The following CYP4F2 variants were observed in gnomAD, a reference collection of about 807,000 sequenced individuals.
CYP4F2 encodes the protein cytochrome P450 family 4 subfamily F member 2.
A neutral mutation model predicts 58.9 loss-of-function variants in CYP4F2; 58 were observed. The ratio of observed to expected loss-of-function variants is 0.98; its 90% CI spans 0.80 to 1.23. CYP4F2 has a LOEUF of 1.23. Ranked by LOEUF, CYP4F2 falls within the 50% of genes most tolerant of loss-of-function variation. CYP4F2 has a pLI of 0.00. For missense variants in CYP4F2, 616 were observed against 685.6 expected (o/e 0.90, Z 1.13); for synonymous variants, 287 against 261.1 (o/e 1.10, Z -0.95).
intron 7 of CYP4F2, among the ~76,000 whole-genome samples, chr19:15,887,062 T>C (rs1301976990): frequency 1.3e-5 from 2 of 151,700 alleles, no homozygotes; most frequent in Non-Finnish European, 2.9e-5. Flanking sequence ...AATGCATCTG[T>C]CACAATAGAC....
chr19:15,889,291 A>G, intron 7 of CYP4F2, 132 bp downstream of exon 7: 3 of 1,539,770 alleles, frequency 1.9e-6, no homozygotes, highest in Non-Finnish European at 2.6e-6. Context: ...CCTATCTCTG[A>G]CCTGTCCCTC....
chr19:15,879,808 A>C lies in CYP4F2; in HGVS notation c.1205T>G (p.Val402Gly), dbSNP rs771131232. The C allele has an allele frequency of 6.2e-7, 1 of 1,614,144 alleles. No individual in the cohort carries two copies. The highest frequency in any genetic ancestry group is 1.3e-5 in the African/African-American group (1 of 75,040). The change falls in exon 10 of 13, where the codon GTC becomes GGC. Residue 402 changes from valine to glycine, a missense_variant. Physicochemically the swap from Val to Gly is moderately radical, Grantham distance 109. Coordinates refer to ENST00000221700, the MANE Select transcript of CYP4F2 (RefSeq NM_001082.5). ...GTCTGGGAGCACAATGTCCTGGGTG[A>C]CATGGCGGGAGATGACCGGGACTGG... ...HPPVPVISRH[V>G]TQDIVLPDGR...
At chr19:15,888,285 C>T (rs111212005) in intron 7 of CYP4F2, among the ~76,000 whole-genome samples, 3,343 of 152,174 alleles carry the variant, frequency 0.022, 119 homozygotes, top group African/African-American at 0.074. Context: ...CACAGACGCA[C>T]ACACATAGAT....
chr19:15,881,819 GA>G (rs1457430213), intron 9 of CYP4F2, among the ~76,000 whole-genome samples: 4 of 150,794 alleles, frequency 2.7e-5, no homozygotes, highest in African/African-American at 7.3e-5. Flanking sequence ...AAAAAAGAAA[GA>G]AAACTTATTT....
chr19:15,892,043 G>T (rs1051219049), intron 5 of CYP4F2, among the ~76,000 whole-genome samples: 3 of 152,164 alleles, frequency 2.0e-5, no homozygotes, highest in African/African-American at 7.2e-5. Flanking sequence ...TGACCCTCTT[G>T]TGTTTACAGG....
chr19:15,884,939 A>G (rs968614779), intron 9 of CYP4F2, among the ~76,000 whole-genome samples: 1 of 152,050 alleles, frequency 6.6e-6, no homozygotes, highest in African/African-American at 2.4e-5. Flanking sequence ...ATGGCTCCCT[A>G]TTGCCATTGG....
At chr19:15,886,175 C>T in intron 8 of CYP4F2, 67 bp downstream of exon 8, 6 of 1,611,112 alleles carry the variant, frequency 3.7e-6, no homozygotes, top group Non-Finnish European at 5.1e-6. Flanking sequence ...TTGTGGGGGT[C>T]TACCCACCCT....
At chr19:15,889,335 C>T (rs987924278) in intron 7 of CYP4F2, 88 bp downstream of exon 7, 3 of 1,606,408 alleles carry the variant, frequency 1.9e-6, no homozygotes, top group African/African-American at 1.3e-5. Flanking sequence ...CTCCCTAGTG[C>T]CCTCTTAATC....
At chr19:15,886,524 T>G (rs1407974194) in intron 7 of CYP4F2, 2 of 572,830 alleles carry the variant, frequency 3.5e-6, no homozygotes, top group Non-Finnish European at 3.0e-6. Flanking sequence ...CCTCTTGGGT[T>G]CCTACTGGGA....
At chr19:15,892,960 A>G (rs369132535) in intron 3 of CYP4F2, among the ~76,000 whole-genome samples, 3 of 152,188 alleles carry the variant, frequency 2.0e-5, no homozygotes, top group African/African-American at 7.2e-5. Flanking sequence ...ATCTTCTGAT[A>G]TGGCATCTTC....
At chr19:15,881,423 T>C (rs771900509) in intron 9 of CYP4F2, among the ~76,000 whole-genome samples, 3 of 152,078 alleles carry the variant, frequency 2.0e-5, no homozygotes, top group Non-Finnish European at 4.4e-5. Context: ...CAGAGATAGA[T>C]GATAGATTGA....
Position 15,886,275 on chromosome 19 carries a change from T to C in CYP4F2, c.952A>G (p.Ile318Val), listed in dbSNP as rs1449202576. 2.5e-6 allele frequency: 4 copies of C among 1,614,082 alleles called. No individual in the cohort carries two copies. In the East Asian group the frequency reaches 8.9e-5, roughly 36 times the overall value. ...EDGKKLSDED[I>V]RAEADTFMFE... ...ATAAAGGTGTCAGCTTCTGCTCTTA[T>C]GTCCTCATCAGATAACTTCTTCCCG... is the stretch of plus-strand genomic sequence containing the variant. Residue 318 changes from isoleucine to valine, a missense_variant, in exon 8 of 13, where the codon ATA becomes GTA. Coordinates refer to ENST00000221700, the MANE Select transcript of CYP4F2 (RefSeq NM_001082.5).
At chr19:15,895,802 A>G (rs995371153) in intron 2 of CYP4F2, 152 bp from the exon 3 acceptor site, 16 of 916,156 alleles carry the variant, frequency 1.7e-5, no homozygotes, top group Middle Eastern at 3.3e-4. Flanking sequence ...CTATCTATAT[A>G]TCTATCTGCC....
intron 7 of CYP4F2, among the ~76,000 whole-genome samples, chr19:15,887,985 C>G (rs934878355): frequency 1.3e-5 from 2 of 150,764 alleles, no homozygotes; most frequent in African/African-American, 2.4e-5. Context: ...CTTAGAAACA[C>G]AGACACACAA....
chr19:15,896,952 A>C (rs924043459), intron 2 of CYP4F2, among the ~76,000 whole-genome samples: 16 of 152,334 alleles, frequency 1.1e-4, no homozygotes, highest in Admixed American at 2.6e-4. Context: ...GAAGAATATA[A>C]GAGAAAGGTG....
intron 9 of CYP4F2, among the ~76,000 whole-genome samples, 156 bp downstream of exon 9, chr19:15,885,768 C>A (rs375034909): frequency 6.6e-6 from 1 of 152,090 alleles, no homozygotes; most frequent in African/African-American, 2.4e-5. Flanking sequence ...CCCAGACAGT[C>A]AGGATGGGTA....
intron 3 of CYP4F2, among the ~76,000 whole-genome samples, chr19:15,892,849 A>G (rs1310215804): frequency 1.3e-5 from 2 of 152,134 alleles, no homozygotes; most frequent in African/African-American, 4.8e-5. Flanking sequence ...CATGCCTCCT[A>G]CACGATCCAA....
intron 7 of CYP4F2, among the ~76,000 whole-genome samples, chr19:15,887,072 C>A (rs1439379064): frequency 6.6e-6 from 1 of 151,660 alleles, no homozygotes. Context: ...TCACAATAGA[C>A]CTACACATAG....
At chr19:15,887,511 T>C (rs1035941143) in intron 7 of CYP4F2, among the ~76,000 whole-genome samples, 3 of 145,160 alleles carry the variant, frequency 2.1e-5, no homozygotes, top group Admixed American at 6.8e-5. Context: ...GACACAGATA[T>C]AGACACAGAC....
Sources: allele counts gnomAD v4.1 joint callset (sites outside exome capture counted in the v4.1 genomes callset), GRCh38; gene constraint gnomAD v4.1.1; transcripts MANE v1.5; gene names NCBI Gene and HGNC (gene_info 2026-07-23, HGNC 2026-07-21).